The following SYTL2 variants were observed in gnomAD, a reference collection of about 807,000 sequenced individuals.
The protein encoded by SYTL2 is synaptotagmin-like protein 2.
SYTL2 carries 165 observed loss-of-function variants against 198.7 expected under a neutral mutation model. The observed-to-expected ratio is 0.83, with a 90% CI of 0.73 to 0.94. The LOEUF is 0.94. Ranked by LOEUF, SYTL2 falls within the 40% of genes least tolerant of loss-of-function variation. The pLI is 0.00. For synonymous variants in SYTL2, 966 were observed against 917.7 expected (o/e 1.05, Z -0.95); for missense variants, 2,835 against 2,582.8 (o/e 1.10, Z -2.12).
At chr11:85,738,499 A>G (rs662199) in intron 4 of SYTL2, among the ~76,000 whole-genome samples, 133,151 of 152,202 alleles carry the variant, frequency 0.87, 58,698 homozygotes, top group East Asian at 1. Context: ...CCGAATTAAG[A>G]CTAATAGACA....
chr11:85,697,953 GCAGA>G (rs766834950), intron 18 of SYTL2, 22 bp downstream of exon 18: 1 of 1,475,184 alleles, frequency 6.8e-7, no homozygotes, highest in Non-Finnish European at 9.5e-7. Flanking sequence ...CAGAACTGTT[GCAGA>G]CAGAGTCATC....
At position 85,728,065 on chromosome 11, in the gene SYTL2, C is replaced by T. The variant is rs183252385; in HGVS notation, c.1391-98G>A. ...TCTTTATAAAAGCACTTTGTATTTG[C>T]ACTTTCTATACCAATAGCTGTTTAT... On this transcript the variant is annotated intron_variant, in intron 7 of 19. Coordinates refer to ENST00000359152, the MANE Select transcript of SYTL2 (RefSeq NM_206927.4). The T allele has an allele frequency of 3.8e-3, 3,988 of 1,060,556 alleles. 22 individuals carry two copies. Among genetic ancestry groups the T allele is most frequent in the Non-Finnish European group, 3.4e-3 (2,515 of 744,978 alleles). 65.7% of individuals were successfully genotyped at this position (1,060,556 alleles called of 1,614,324 possible). A position where few individuals can be genotyped will look rare whatever the true frequency, so the allele number is the denominator to read the frequency against.
intron 1 of SYTL2, among the ~76,000 whole-genome samples, chr11:85,778,486 C>G (rs980849441): frequency 1.3e-5 from 2 of 152,250 alleles, no homozygotes; most frequent in Non-Finnish European, 2.9e-5. Context: ...CAAAGAGAAG[C>G]AGAGCTCCCA....
At chr11:85,809,196 T>C (rs1412679352) in intron 1 of SYTL2, among the ~76,000 whole-genome samples, 1 of 152,172 alleles carries the variant, frequency 6.6e-6, no homozygotes, top group Non-Finnish European at 1.5e-5. Context: ...TAGGGGACAG[T>C]GGAATCATTC....
At position 85,748,518 on chromosome 11, in the gene SYTL2, T is replaced by C. The variant is rs1269986023; in HGVS notation, c.102-95A>G. 9.9e-6 allele frequency: 13 copies of C among 1,313,700 alleles called. 2 individuals are homozygous for C. In the South Asian group the frequency reaches 1.3e-4, roughly 13 times the overall value. 81.4% of individuals were successfully genotyped at this position (1,313,700 alleles called of 1,614,324 possible). A position where few individuals can be genotyped will look rare whatever the true frequency, so the allele number is the denominator to read the frequency against. On this transcript the variant is annotated intron_variant, in intron 2 of 19. Transcript: ENST00000359152. ...ATAAAGACATGTGTAAACACACAGA[T>C]AAAATGAAGCTTTAATATTTCAGAT...
At chr11:85,827,760 A>G in the SYTL2 span, among the ~76,000 whole-genome samples, 4 of 152,194 alleles carry the variant, frequency 2.6e-5, no homozygotes, top group Non-Finnish European at 5.9e-5. Context: ...CCACCCAGAT[A>G]TGGGGTAGTC....
intron 14 of SYTL2, among the ~76,000 whole-genome samples, chr11:85,708,837 AT>A (rs72460497): frequency 4.2e-4 from 30 of 71,588 alleles, no homozygotes; most frequent in South Asian, 2.3e-3. Flanking sequence ...CTTCTCTGTG[AT>A]TTTTTTTTTT....
chr11:85,783,072 A>C (rs1237361156), intron 1 of SYTL2, among the ~76,000 whole-genome samples: 1 of 152,010 alleles, frequency 6.6e-6, no homozygotes, highest in African/African-American at 2.4e-5. Flanking sequence ...GTACCAAATC[A>C]CTGTATTAGT....
intron 19 of SYTL2, among the ~76,000 whole-genome samples, 192 bp from the exon 20 acceptor site, chr11:85,695,532 C>T (rs961706202): frequency 6.6e-6 from 1 of 152,116 alleles, no homozygotes; most frequent in Non-Finnish European, 1.5e-5. Flanking sequence ...GTAATCATTA[C>T]CATAATTCCT....
chr11:85,804,451 G>A (rs775201589), intron 1 of SYTL2, among the ~76,000 whole-genome samples: 1 of 152,108 alleles, frequency 6.6e-6, no homozygotes, highest in Non-Finnish European at 1.5e-5. Flanking sequence ...CTCTGTTGTT[G>A]TTCTTATTGG....
intron 12 of SYTL2, among the ~76,000 whole-genome samples, chr11:85,711,873 A>G (rs1282204652): frequency 6.6e-6 from 1 of 152,144 alleles, no homozygotes; most frequent in Non-Finnish European, 1.5e-5. Flanking sequence ...TTCTACCCAC[A>G]TTAGATTTTA....
chr11:85,778,493 C>T (rs2092499070), intron 1 of SYTL2, among the ~76,000 whole-genome samples: 1 of 152,226 alleles, frequency 6.6e-6, no homozygotes, highest in African/African-American at 2.4e-5. Context: ...AAGCAGAGCT[C>T]CCAAGTTAGA....
At chr11:85,817,395 G>C in the SYTL2 span, among the ~76,000 whole-genome samples, 6 of 152,166 alleles carry the variant, frequency 3.9e-5, no homozygotes, top group African/African-American at 1.4e-4. Flanking sequence ...CGTACTGTAA[G>C]TGTAAAATAT....
At position 85,718,841 on chromosome 11, in the gene SYTL2, G is replaced by C; in HGVS notation, c.5431C>G (p.Gln1811Glu). The stretch of plus-strand genomic sequence containing the variant: ...TCTGGCTGATTATCTACTTTTGCTT[G>C]ATCTGTTCAGAAGAAATTAACAAAT... ...LEDISSDSSN[Q>E]AKVDNQPEEL... is the part of the protein sequence containing the mutation. The change falls in exon 10 of 20, where the codon CAA becomes GAA. Residue 1811 changes from glutamine to glutamate, a missense_variant and splice_region_variant. Transcript: ENST00000359152. 6.2e-7 allele frequency: 1 copy of C among 1,613,616 alleles called. No homozygotes were observed. The highest frequency in any genetic ancestry group is 1.1e-5 in the South Asian group (1 of 91,040).
chr11:85,819,055 T>C, the SYTL2 span, among the ~76,000 whole-genome samples: 1 of 152,076 alleles, frequency 6.6e-6, no homozygotes, highest in South Asian at 2.1e-4. Context: ...GTTTTAAGAG[T>C]TTATGATTTT....
chr11:85,754,554 G>A (rs1437940235), intron 2 of SYTL2, among the ~76,000 whole-genome samples: 1 of 152,128 alleles, frequency 6.6e-6, no homozygotes, highest in African/African-American at 2.4e-5. Flanking sequence ...AGGAAACAGT[G>A]ATGTTTTGAT....
chr11:85,813,401 C>A (rs1592110462), upstream of SYTL2, among the ~76,000 whole-genome samples: 3 of 152,326 alleles, frequency 2.0e-5, no homozygotes, highest in Admixed American at 6.5e-5. Flanking sequence ...ATGCCTTGCA[C>A]ATACAGTGCA....
In SYTL2 at chr11:85,696,407, T is replaced by A. The variant is rs754727652; in HGVS notation, c.6369-19A>T. On this transcript the variant is annotated intron_variant, in intron 18 of 19. Transcript: ENST00000359152. ...GATGGTACTACAAAAAGAGGCATGA[T>A]TGTGGGAGCATTTTAGTAAGATAGT... 1 of 1,593,052 alleles carries A rather than the reference T, an allele frequency of 6.3e-7. No homozygotes were observed. The highest frequency in any genetic ancestry group is 1.1e-5 in the South Asian group (1 of 90,622).
At position 85,725,704 on chromosome 11, in the gene SYTL2, C is replaced by T; in HGVS notation, c.3654G>A (p.Lys1218=). Residue 1218 remains lysine (K), a synonymous_variant, in exon 8 of 20, where the codon AAG becomes AAA. Coordinates refer to ENST00000359152, the MANE Select transcript of SYTL2 (RefSeq NM_206927.4). ...SLTASLDKLL[K]EATGTSPSPL... Reference sequence around the variant, plus strand: ...GAGAGGGTGAAGTTCCAGTTGCTTCCTTCAGGAGTTTGTCTAGACTAGCAG... The same window carrying T: ...GAGAGGGTGAAGTTCCAGTTGCTTCTTTCAGGAGTTTGTCTAGACTAGCAG... The T allele has an allele frequency of 1.2e-6, 2 of 1,614,042 alleles. No individual in the cohort carries two copies. The highest frequency in any genetic ancestry group is 1.7e-6 in the Non-Finnish European group (2 of 1,179,978).
Sources: gnomAD v4.1 joint callset for allele counts (sites outside exome capture counted in the v4.1 genomes callset) on GRCh38, gnomAD v4.1.1 for gene constraint, MANE v1.5 for transcripts, NCBI Gene and HGNC (gene_info 2026-07-23, HGNC 2026-07-21) for gene names.